The following DLC1 variants were observed in gnomAD, a reference collection of about 807,000 sequenced individuals.
DLC1 encodes DLC1 Rho GTPase activating protein.
In DLC1, 54 loss-of-function variants were observed where a neutral mutation model predicts 140.3. The ratio of observed to expected loss-of-function variants is 0.38; its 90% CI spans 0.31 to 0.48. DLC1 has a LOEUF of 0.48. Among genes scored for constraint, DLC1 ranks in the 20% least tolerant of loss-of-function variants. The pLI, the probability that DLC1 is intolerant of heterozygous loss-of-function variation, is 0.96. For synonymous variants in DLC1, 986 were observed against 728.1 expected (o/e 1.35, Z -5.70); for missense variants, 2,536 against 1,907.0 (o/e 1.33, Z -6.14).
At chr8:13,385,395 C>A (rs528123213) in intron 4 of DLC1, among the ~76,000 whole-genome samples, 2 of 152,266 alleles carry the variant, frequency 1.3e-5, no homozygotes, top group African/African-American at 2.4e-5. Flanking sequence ...ATTATACCAG[C>A]TGGCTAAAGT....
chr8:13,206,034 A>G (rs1471231680), intron 5 of DLC1, among the ~76,000 whole-genome samples: 2 of 152,176 alleles, frequency 1.3e-5, no homozygotes, highest in Non-Finnish European at 2.9e-5. Flanking sequence ...CTAGAGGAAA[A>G]ATGTGCCTTG....
chr8:13,460,828 C>T (rs1269934604), intron 2 of DLC1, among the ~76,000 whole-genome samples: 7 of 152,132 alleles, frequency 4.6e-5, no homozygotes, highest in Non-Finnish European at 7.4e-5. Context: ...GTGCTCTGTG[C>T]GTTGATTCTG....
chr8:13,371,407 C>T (rs1563292108), intron 4 of DLC1, among the ~76,000 whole-genome samples: 1 of 152,164 alleles, frequency 6.6e-6, no homozygotes, highest in Non-Finnish European at 1.5e-5. Context: ...GTCTCTCTCA[C>T]TCTCTTCAAG....
intron 1 of DLC1, among the ~76,000 whole-genome samples, chr8:13,582,189 C>T (rs1362659095): frequency 1.3e-5 from 2 of 152,070 alleles, no homozygotes; most frequent in Non-Finnish European, 1.5e-5. Context: ...AATGCACATC[C>T]CTGCAGAGAT....
At chr8:13,313,401 G>T (rs1832755773) in intron 4 of DLC1, among the ~76,000 whole-genome samples, 1 of 152,198 alleles carries the variant, frequency 6.6e-6, no homozygotes, top group Non-Finnish European at 1.5e-5. Flanking sequence ...AGGTGAATAT[G>T]AACACGTACA....
chr8:13,546,821 C>T (rs1435947015), intron 1 of DLC1, among the ~76,000 whole-genome samples: 3 of 152,080 alleles, frequency 2.0e-5, no homozygotes, highest in Admixed American at 6.6e-5. Context: ...TCATCAATCA[C>T]GGTTTCTGTC....
At chr8:13,278,610 C>T (rs550495098) in intron 5 of DLC1, among the ~76,000 whole-genome samples, 1 of 152,264 alleles carries the variant, frequency 6.6e-6, no homozygotes, top group South Asian at 2.1e-4. Context: ...CTAACTCCTC[C>T]TAGGCACTGA....
rs540665039 is a variant in DLC1, at chr8:13,483,132, C to G, written c.1023+15917G>C. On this transcript the variant is annotated intron_variant, in intron 2 of 17. Coordinates refer to ENST00000276297, the MANE Select transcript of DLC1 (RefSeq NM_182643.3). ...GGCGCTCCTCTACTTATGGCTGCAT[C>G]GGTCCAATCTCTGCTTCTGTTTTCA... Among the ~76,000 whole-genome samples, 11 of 152,210 alleles carry G rather than the reference C, an allele frequency of 7.2e-5. No individual in the cohort carries two copies. In the South Asian group the frequency reaches 2.3e-3, roughly 32 times the overall value.
chr8:13,506,951 T>C (rs1003081495), intron 1 of DLC1, among the ~76,000 whole-genome samples: 1 of 152,120 alleles, frequency 6.6e-6, no homozygotes, highest in African/African-American at 2.4e-5. Flanking sequence ...TAGCCTACTC[T>C]TGGGGACTCA....
chr8:13,389,105 T>C lies in DLC1; in HGVS notation c.1314+4448A>G, dbSNP rs187372370. 3.0e-3 allele frequency among the ~76,000 whole-genome samples: 453 copies of C among 152,190 alleles called. 3 individuals are homozygous for C. Among genetic ancestry groups the C allele is most frequent in the African/African-American group, 9.6e-3 (398 of 41,566 alleles). On this transcript the variant is annotated intron_variant, in intron 4 of 17. Coordinates refer to ENST00000276297, the MANE Select transcript of DLC1 (RefSeq NM_182643.3). ...ACAGTAGAATGCTAGACTCTCCTTG[T>C]TCCTTCAGTTACTTATTTTACAAAT...
intron 5 of DLC1, among the ~76,000 whole-genome samples, chr8:13,216,107 G>T (rs1001882658): frequency 1.3e-5 from 2 of 152,060 alleles, no homozygotes; most frequent in African/African-American, 4.8e-5. Flanking sequence ...GTTCCAGATG[G>T]TCTCATCAGA....
intron 2 of DLC1, among the ~76,000 whole-genome samples, chr8:13,480,658 G>C (rs1199530593): frequency 1.3e-5 from 2 of 152,144 alleles, no homozygotes; most frequent in Admixed American, 6.6e-5. Context: ...CAGTAGGAAG[G>C]AGAAGAGAGG....
intron 1 of DLC1, among the ~76,000 whole-genome samples, chr8:13,550,556 A>G (rs1803810867): frequency 6.6e-6 from 1 of 152,170 alleles, no homozygotes; most frequent in Non-Finnish European, 1.5e-5. Flanking sequence ...AAAGAAATAT[A>G]TACGGAGGCA....
chr8:13,314,479 C>T (rs1188132), intron 4 of DLC1, among the ~76,000 whole-genome samples: 6,201 of 151,912 alleles, frequency 0.041, 422 homozygotes, highest in African/African-American at 0.14. Context: ...TGTGTATTTT[C>T]ACTTAGTCTC....
intron 5 of DLC1, among the ~76,000 whole-genome samples, chr8:13,117,513 T>G (rs990075961): frequency 3.9e-5 from 6 of 152,186 alleles, no homozygotes; most frequent in African/African-American, 1.2e-4. Context: ...TTTTGCCCTA[T>G]CTGTGTGCCT....
chr8:13,201,214 C>T (rs904583062), intron 5 of DLC1, among the ~76,000 whole-genome samples: 1 of 151,636 alleles, frequency 6.6e-6, no homozygotes, highest in Non-Finnish European at 1.5e-5. Flanking sequence ...TTCAGAGTTG[C>T]ATTTTCAGTG....
chr8:13,272,780 A>G (rs895239048), intron 5 of DLC1, among the ~76,000 whole-genome samples: 3 of 152,176 alleles, frequency 2.0e-5, no homozygotes, highest in African/African-American at 7.2e-5. Context: ...AGGCTGAGGC[A>G]AGAGAATGGC....
At position 13,599,153 on chromosome 8, in the gene DLC1, T is replaced by C. The variant is rs569929890; in HGVS notation, c.-126+5384A>G. Among the ~76,000 whole-genome samples, 4 of 151,576 alleles carry C rather than the reference T, an allele frequency of 2.6e-5. No homozygotes were observed. The South Asian group carries it at 8.3e-4, about 32-fold the overall frequency. ...TCTGCTTATATGGGAAGACACAGAA[T>C]AAAAATATACCCCTGACATGTGTGA... On this transcript the variant is annotated intron_variant, in intron 1 of 1. Coordinates refer to the DLC1 transcript ENST00000631382.
intron 4 of DLC1, among the ~76,000 whole-genome samples, chr8:13,373,405 CG>C (rs1835815942): frequency 6.6e-6 from 1 of 152,106 alleles, no homozygotes; most frequent in South Asian, 2.1e-4. Flanking sequence ...ATCTTATTCT[CG>C]GATGTACAGG....
Sources: gnomAD v4.1 joint callset for allele counts (sites outside exome capture counted in the v4.1 genomes callset) on GRCh38, gnomAD v4.1.1 for gene constraint, MANE v1.5 for transcripts, NCBI Gene and HGNC (gene_info 2026-07-23, HGNC 2026-07-21) for gene names.